Variants in TTC34 observed in about 807,000 individuals in gnomAD.
TTC34 encodes the protein tetratricopeptide repeat protein 34.
In TTC34, 44 loss-of-function variants were observed where a neutral mutation model predicts 40.7. That is an observed-to-expected ratio of 1.08 (90% CI 0.85 to 1.39). The LOEUF (loss-of-function observed/expected upper bound fraction) is 1.39. Among genes scored for constraint, TTC34 ranks in the 40% most tolerant of loss-of-function variants. TTC34 has a pLI of 0.00. For missense variants in TTC34, 884 were observed against 838.0 expected (o/e 1.05, Z -0.68); for synonymous variants, 422 against 398.6 (o/e 1.06, Z -0.70).
exon 2 of TTC34, chr1:2,800,512 G>A (rs1335527991): frequency 2.5e-6 from 1 of 398,558 alleles, no homozygotes; most frequent in Admixed American, 4.4e-5. Flanking sequence ...AGCAGGTGCA[G>A]GATGGCGGCG....
intron 6 of TTC34, among the ~76,000 whole-genome samples, chr1:2,688,357 G>T (rs796089672): frequency 3.3e-5 from 2 of 61,200 alleles, no homozygotes; most frequent in Admixed American, 1.7e-4. Flanking sequence ...ACAGCCTGGA[G>T]CAGCACCCAC....
At position 2,683,639 on chromosome 1, in the gene TTC34, G is replaced by A. The variant is rs866799474; in HGVS notation, c.2227-38076C>T. ...CCTTCAGCAGCACCCACACCCCCAGGTGAGCATCTGACAGCCTGGAGCAGC... is the reference window on the plus strand; with the variant it reads ...CCTTCAGCAGCACCCACACCCCCAGATGAGCATCTGACAGCCTGGAGCAGC... On this transcript the variant is annotated intron_variant, in intron 6 of 8. Coordinates refer to ENST00000401095, the Ensembl canonical transcript of TTC34. Among the ~76,000 whole-genome samples, 7 of 149,736 alleles carry A rather than the reference G, an allele frequency of 4.7e-5. 1 individual carries two copies. Among genetic ancestry groups the A allele is most frequent in the Admixed American group, 3.3e-4 (5 of 15,190 alleles).
intron 6 of TTC34, among the ~76,000 whole-genome samples, chr1:2,687,230 G>A (rs1277052241): frequency 4.2e-5 from 6 of 144,366 alleles, no homozygotes; most frequent in East Asian, 2.0e-4. Flanking sequence ...CGACAGCCTG[G>A]AGCAGCACCC....
intron 6 of TTC34, among the ~76,000 whole-genome samples, chr1:2,756,590 C>G (rs1641512926): frequency 4.6e-5 from 7 of 151,904 alleles, no homozygotes; most frequent in African/African-American, 1.7e-4. Context: ...CCCACACCAA[C>G]AGGTGAGCAT....
intron 6 of TTC34, among the ~76,000 whole-genome samples, chr1:2,749,636 C>A (rs1470190822): frequency 0.096 from 2,181 of 22,638 alleles, 56 homozygotes; most frequent in Middle Eastern, 0.16. Context: ...CTGGAGCAGC[C>A]CCCACACCCA....
chr1:2,758,474 C>T (rs1641578168), intron 6 of TTC34, among the ~76,000 whole-genome samples: 1 of 84,260 alleles, frequency 1.2e-5, no homozygotes, highest in Non-Finnish European at 2.2e-5. Context: ...AGAGCACCCA[C>T]ACACCCAGGC....
intron 6 of TTC34, among the ~76,000 whole-genome samples, chr1:2,648,792 C>T (rs565784526): frequency 6.6e-6 from 1 of 151,314 alleles, no homozygotes; most frequent in South Asian, 2.1e-4. Context: ...TGGAATGGCA[C>T]CCACACTCAC....
chr1:2,780,828 A>C (rs553757875), intron 6 of TTC34, among the ~76,000 whole-genome samples: 1 of 152,164 alleles, frequency 6.6e-6, no homozygotes, highest in Non-Finnish European at 1.5e-5. Flanking sequence ...ATTGCATTGA[A>C]TCTGTAGATC....
intron 2 of TTC34, among the ~76,000 whole-genome samples, chr1:2,795,642 C>T (rs1643705010): frequency 6.6e-6 from 1 of 152,230 alleles, no homozygotes. Flanking sequence ...ACAGACCCTG[C>T]ATCTTGCTGG....
exon 9 of TTC34, chr1:2,639,058 C>T (rs530232353): frequency 6.6e-6 from 1 of 152,362 alleles, no homozygotes; most frequent in East Asian, 1.9e-4. Context: ...ACTCTGGGGT[C>T]TCTTTTATAA....
intron 6 of TTC34, among the ~76,000 whole-genome samples, chr1:2,779,264 T>C (rs1395085366): frequency 6.6e-6 from 1 of 152,204 alleles, no homozygotes; most frequent in Non-Finnish European, 1.5e-5. Context: ...AGACCCTACT[T>C]CCATTTATTT....
intron 6 of TTC34, among the ~76,000 whole-genome samples, chr1:2,680,962 C>G (rs1640043897): frequency 4.1e-5 from 4 of 96,698 alleles, no homozygotes; most frequent in African/African-American, 1.4e-4. Flanking sequence ...GAGCATCTGA[C>G]AACCTGGAGC....
At chr1:2,693,896 A>T (rs1419532235) in intron 6 of TTC34, among the ~76,000 whole-genome samples, 276 of 125,534 alleles carry the variant, frequency 2.2e-3, no homozygotes, top group Admixed American at 4.0e-3. Flanking sequence ...AGACTGGAAC[A>T]GCACCCACAT....
chr1:2,778,530 G>T (rs1643393855), intron 6 of TTC34, among the ~76,000 whole-genome samples: 1 of 152,214 alleles, frequency 6.6e-6, no homozygotes, highest in Non-Finnish European at 1.5e-5. Flanking sequence ...TGTCCCTTTT[G>T]TCTTAGCTGT....
intron 5 of TTC34, among the ~76,000 whole-genome samples, chr1:2,785,316 C>CACCCCAGGA: frequency 6.6e-6 from 1 of 152,152 alleles, no homozygotes; most frequent in East Asian, 1.9e-4. Flanking sequence ...GAGATCCCTG[C>CACCCCAGGA]GAGTCCTGGG....
intron 6 of TTC34, among the ~76,000 whole-genome samples, chr1:2,770,065 T>C (rs1642031279): frequency 5.8e-5 from 1 of 17,286 alleles, no homozygotes; most frequent in Non-Finnish European, 1.1e-4. Context: ...TGGAATGTCA[T>C]CCTCACCTCC....
At chr1:2,686,793 G>T (rs1349544707) in intron 6 of TTC34, among the ~76,000 whole-genome samples, 26 of 114,874 alleles carry the variant, frequency 2.3e-4, no homozygotes, top group Admixed American at 5.1e-4. Flanking sequence ...GCCTGGATCA[G>T]CACCCACACC....
chr1:2,785,298 T>TACCCCAGGAGATCCCTGC (rs779203128), intron 5 of TTC34, among the ~76,000 whole-genome samples: 58,323 of 151,222 alleles, frequency 0.39, 11,863 homozygotes, highest in East Asian at 0.55. Flanking sequence ...ACACTCCCTG[T>TACCCCAGGAGATCCCTGC]ACCCCAGGAG....
At position 2,796,590 on chromosome 1, in the gene TTC34, A is replaced by C. The variant is rs930348181; in HGVS notation, c.784+3454T>G. Reference sequence around the variant, plus strand: ...TGGGGGGTTCTGGATTTCTGCAGAGAGCTTTAGTGTGACCCCCACCCACAC... The same window carrying C: ...TGGGGGGTTCTGGATTTCTGCAGAGCGCTTTAGTGTGACCCCCACCCACAC... On this transcript the variant is annotated intron_variant, in intron 2 of 8. Transcript: ENST00000401095. The surrounding 1 kb of genome is among the most constrained non-coding windows in gnomAD (Gnocchi z 4.5). Among the ~76,000 whole-genome samples, 4 of 151,832 alleles carry C rather than the reference A, an allele frequency of 2.6e-5. No homozygotes were observed. The highest frequency in any genetic ancestry group is 9.7e-5 in the African/African-American group (4 of 41,314).
Sources: allele counts gnomAD v4.1 joint callset (sites outside exome capture counted in the v4.1 genomes callset), GRCh38; gene constraint gnomAD v4.1.1; non-coding constraint Gnocchi (gnomAD v3.1); transcripts MANE v1.5; gene names NCBI Gene and HGNC (gene_info 2026-07-23, HGNC 2026-07-21).